SLC2A13: variants seen among roughly 807,000 people sequenced by gnomAD.
The protein encoded by SLC2A13 is proton myo-inositol cotransporter.
Under a neutral mutation model 64.4 loss-of-function variants are expected in SLC2A13, and 32 were observed. That is an observed-to-expected ratio of 0.50 (90% CI 0.37 to 0.67). The LOEUF (loss-of-function observed/expected upper bound fraction) is 0.67, where lower values mean the gene tolerates loss of function less well. SLC2A13 is among the 30% of genes least tolerant of loss of function. The probability of loss-of-function intolerance (pLI) is 0.00; values close to 1 mark genes in which losing one functional copy is unlikely to be tolerated. For missense variants in SLC2A13, 743 were observed against 829.2 expected (o/e 0.90, Z 1.28); for synonymous variants, 338 against 327.1 (o/e 1.03, Z -0.36).
rs569794075 is a variant in SLC2A13, at chr12:39,864,624, T to C, written c.1319+138A>G. 2.3e-5 allele frequency: 27 copies of C among 1,188,398 alleles called. 1 individual carries two copies. In the Admixed American group the frequency reaches 6.4e-4, roughly 28 times the overall value. 73.6% of individuals were successfully genotyped at this position (1,188,398 alleles called of 1,614,324 possible). On this transcript the variant is annotated intron_variant, in intron 6 of 9. Transcript: ENST00000280871. ...TCCTAGGGGCCCCTCTCTACCACCT[T>C]TCCCATTTTCTTCCCTTCTTACATA...
chr12:39,822,286 T>G (rs1942543475), intron 7 of SLC2A13, among the ~76,000 whole-genome samples: 1 of 152,058 alleles, frequency 6.6e-6, no homozygotes, highest in South Asian at 2.1e-4. Flanking sequence ...AGATTGAAAA[T>G]ATTTAACTCA....
intron 4 of SLC2A13, among the ~76,000 whole-genome samples, chr12:39,942,811 T>C (rs1946059216): frequency 6.6e-6 from 1 of 152,212 alleles, no homozygotes; most frequent in African/African-American, 2.4e-5. Flanking sequence ...TGGTGAGGAG[T>C]TGTGATCCTT....
intron 7 of SLC2A13, among the ~76,000 whole-genome samples, chr12:39,795,337 TTATCA>T (rs1352898518): frequency 1.3e-5 from 2 of 152,162 alleles, no homozygotes; most frequent in Non-Finnish European, 2.9e-5. Context: ...TAAACTTAAT[TTATCA>T]TATATTTCTT....
At chr12:39,972,028 A>AT (rs71078207) in intron 3 of SLC2A13, among the ~76,000 whole-genome samples, 2 of 115,646 alleles carry the variant, frequency 1.7e-5, no homozygotes, top group Non-Finnish European at 3.6e-5. Context: ...TTTTTTATAT[A>AT]AATATATATA....
At chr12:40,033,326 C>T (rs1947932146) in intron 2 of SLC2A13, among the ~76,000 whole-genome samples, 1 of 152,198 alleles carries the variant, frequency 6.6e-6, no homozygotes, top group Non-Finnish European at 1.5e-5. Context: ...TTAAAGAATT[C>T]AGAGGTTCCC....
At chr12:40,074,131 C>T (rs927120584) in intron 1 of SLC2A13, among the ~76,000 whole-genome samples, 14 of 150,356 alleles carry the variant, frequency 9.3e-5, no homozygotes, top group African/African-American at 3.4e-4. Flanking sequence ...ATTCTTTCTT[C>T]AGCCATGTCC....
At chr12:39,976,893 C>T (rs1207414088) in intron 3 of SLC2A13, among the ~76,000 whole-genome samples, 1 of 152,160 alleles carries the variant, frequency 6.6e-6, no homozygotes, top group Non-Finnish European at 1.5e-5. Context: ...ATGAAATCTA[C>T]CTGTAGAAAA....
intron 4 of SLC2A13, among the ~76,000 whole-genome samples, chr12:39,891,236 T>C (rs959639694): frequency 4.6e-5 from 7 of 151,180 alleles, no homozygotes; most frequent in Admixed American, 6.6e-5. Flanking sequence ...TGCTGAGCTC[T>C]GCCTCTGCCC....
intron 2 of SLC2A13, among the ~76,000 whole-genome samples, chr12:40,045,275 A>C (rs1948153446): frequency 6.6e-6 from 1 of 152,088 alleles, no homozygotes; most frequent in Admixed American, 6.6e-5. Context: ...TAATGTGAAG[A>C]TATATAAAAA....
intron 7 of SLC2A13, among the ~76,000 whole-genome samples, chr12:39,786,510 T>C (rs1235721272): frequency 6.6e-6 from 1 of 152,268 alleles, no homozygotes; most frequent in African/African-American, 2.4e-5. Context: ...GGGCTGGTCA[T>C]GTGTTCTAAC....
chr12:39,984,869 A>G (rs1946999917), intron 3 of SLC2A13, among the ~76,000 whole-genome samples: 1 of 152,176 alleles, frequency 6.6e-6, no homozygotes, highest in African/African-American at 2.4e-5. Flanking sequence ...ATTAACTGGT[A>G]GAGATTTGCT....
chr12:40,041,234 T>A (rs962177920), intron 2 of SLC2A13, among the ~76,000 whole-genome samples: 1 of 152,114 alleles, frequency 6.6e-6, no homozygotes, highest in African/African-American at 2.4e-5. Flanking sequence ...GCAAAGGATT[T>A]CAAGTTCCAT....
chr12:39,808,118 C>T (rs758336792), intron 7 of SLC2A13, among the ~76,000 whole-genome samples: 1 of 152,118 alleles, frequency 6.6e-6, no homozygotes, highest in Non-Finnish European at 1.5e-5. Flanking sequence ...TTCCTTCATG[C>T]CCAACTCCAG....
intron 6 of SLC2A13, among the ~76,000 whole-genome samples, chr12:39,858,769 G>T (rs575671794): frequency 4.6e-5 from 7 of 152,034 alleles, no homozygotes; most frequent in African/African-American, 1.4e-4. Flanking sequence ...ACCACACTTG[G>T]CTAATTTTTT....
chr12:40,073,773 T>C (rs897361870), intron 1 of SLC2A13, among the ~76,000 whole-genome samples: 6 of 151,724 alleles, frequency 4.0e-5, no homozygotes, highest in African/African-American at 1.2e-4. Flanking sequence ...ATATAGATAA[T>C]ATATAATATT....
At chr12:39,869,088 G>A (rs1265494105) in intron 5 of SLC2A13, among the ~76,000 whole-genome samples, 3 of 152,072 alleles carry the variant, frequency 2.0e-5, no homozygotes, top group African/African-American at 7.2e-5. Flanking sequence ...ACATAGAACC[G>A]TATGTTAGTA....
At chr12:39,971,983 GA>G (rs1174701447) in intron 3 of SLC2A13, among the ~76,000 whole-genome samples, 1,136 of 95,692 alleles carry the variant, frequency 0.012, 14 homozygotes, top group African/African-American at 0.038. Flanking sequence ...AGTGTCTCCA[GA>G]AAAAAAAAAA....
At chr12:39,774,186 C>T (rs1482562759) in intron 7 of SLC2A13, among the ~76,000 whole-genome samples, 2 of 152,168 alleles carry the variant, frequency 1.3e-5, no homozygotes, top group Non-Finnish European at 2.9e-5. Context: ...CACAGAGTAT[C>T]TCTCCAGGAT....
At chr12:40,004,594 G>A (rs548089395) in intron 3 of SLC2A13, among the ~76,000 whole-genome samples, 2 of 151,136 alleles carry the variant, frequency 1.3e-5, no homozygotes, top group African/African-American at 2.4e-5. Context: ...CACAGACTGG[G>A]CAATGAGTAA....
Sources: allele counts gnomAD v4.1 joint callset (sites outside exome capture counted in the v4.1 genomes callset), GRCh38; gene constraint gnomAD v4.1.1; transcripts MANE v1.5; gene names NCBI Gene and HGNC (gene_info 2026-07-23, HGNC 2026-07-21).